CMTM8: variants seen among roughly 807,000 people sequenced by gnomAD.
CMTM8 encodes the protein CKLF-like MARVEL transmembrane domain-containing protein 8.
A neutral mutation model predicts 18.6 loss-of-function variants in CMTM8; 12 were observed. The observed-to-expected ratio is 0.65, with a 90% CI of 0.41 to 1.05. The LOEUF (loss-of-function observed/expected upper bound fraction) is 1.05. Among genes scored for constraint, CMTM8 ranks in the 50% least tolerant of loss-of-function variants. The pLI, the probability that CMTM8 is intolerant of heterozygous loss-of-function variation, is 0.00. For missense variants in CMTM8, 217 were observed against 227.2 expected (o/e 0.95, Z 0.29); for synonymous variants, 87 against 90.6 (o/e 0.96, Z 0.23).
At chr3:32,356,484 C>A (rs976290065) in intron 1 of CMTM8, among the ~76,000 whole-genome samples, 2 of 152,222 alleles carry the variant, frequency 1.3e-5, no homozygotes, top group Non-Finnish European at 2.9e-5. Flanking sequence ...TTCCTTTAGT[C>A]AATGAGTAGT....
intron 1 of CMTM8, among the ~76,000 whole-genome samples, chr3:32,333,311 G>C (rs190755503): frequency 2.2e-4 from 33 of 152,272 alleles, no homozygotes; most frequent in African/African-American, 7.7e-4. Context: ...GGCCAGATTT[G>C]GCTACTGGGT....
At chr3:32,355,565 CT>C (rs1202743124) in intron 1 of CMTM8, among the ~76,000 whole-genome samples, 1 of 152,184 alleles carries the variant, frequency 6.6e-6, no homozygotes, top group Non-Finnish European at 1.5e-5. Context: ...CTAAATTTGT[CT>C]CCACACCACT....
At chr3:32,268,898 GT>G (rs1312899324) in intron 1 of CMTM8, among the ~76,000 whole-genome samples, 1 of 152,096 alleles carries the variant, frequency 6.6e-6, no homozygotes, top group African/African-American at 2.4e-5. Flanking sequence ...ATTATAACAG[GT>G]GCCGCTTTCT....
intron 1 of CMTM8, among the ~76,000 whole-genome samples, chr3:32,305,292 G>T (rs543073316): frequency 6.7e-6 from 1 of 149,542 alleles, no homozygotes; most frequent in South Asian, 2.1e-4. Context: ...GTGCAGTGGC[G>T]TGATCTCTGC....
intron 1 of CMTM8, among the ~76,000 whole-genome samples, chr3:32,285,013 C>G (rs927494531): frequency 6.6e-6 from 1 of 152,124 alleles, no homozygotes; most frequent in Non-Finnish European, 1.5e-5. Context: ...CGAAGGTGAT[C>G]AAGGTACACA....
intron 1 of CMTM8, among the ~76,000 whole-genome samples, chr3:32,288,310 G>C (rs968049293): frequency 6.6e-6 from 1 of 152,012 alleles, no homozygotes; most frequent in Admixed American, 6.6e-5. Context: ...TAGAGACAGG[G>C]ACTTACTCTG....
At chr3:32,274,173 G>A (rs989675563) in intron 1 of CMTM8, among the ~76,000 whole-genome samples, 7 of 151,980 alleles carry the variant, frequency 4.6e-5, no homozygotes, top group African/African-American at 1.7e-4. Flanking sequence ...AGCCAGGCAT[G>A]GTGGTGCATG....
At chr3:32,278,400 A>C (rs1303895775) in intron 1 of CMTM8, among the ~76,000 whole-genome samples, 1 of 152,200 alleles carries the variant, frequency 6.6e-6, no homozygotes, top group Non-Finnish European at 1.5e-5. Context: ...ATTTGCTGCT[A>C]TTCTCAGCTC....
intron 1 of CMTM8, among the ~76,000 whole-genome samples, chr3:32,314,302 T>G (rs1346431968): frequency 6.6e-6 from 1 of 152,008 alleles, no homozygotes; most frequent in Non-Finnish European, 1.5e-5. Flanking sequence ...AGGGGCTGGT[T>G]GGGGTACCAG....
intron 2 of CMTM8, among the ~76,000 whole-genome samples, chr3:32,363,431 T>A (rs1696972855): frequency 1.3e-5 from 2 of 152,224 alleles, no homozygotes; most frequent in Admixed American, 1.3e-4. Context: ...ATATGTTACA[T>A]CTGCTCACAT....
chr3:32,295,183 C>T (rs970685860), intron 1 of CMTM8, among the ~76,000 whole-genome samples: 11 of 151,972 alleles, frequency 7.2e-5, no homozygotes, highest in African/African-American at 1.9e-4. Flanking sequence ...AGGCTGGGCA[C>T]GGTAGCTCAT....
intron 2 of CMTM8, among the ~76,000 whole-genome samples, chr3:32,362,931 T>C (rs1696964682): frequency 6.6e-6 from 1 of 152,170 alleles, no homozygotes; most frequent in African/African-American, 2.4e-5. Flanking sequence ...AACCAGTCAA[T>C]CCAAATGCCT....
intron 3 of CMTM8, among the ~76,000 whole-genome samples, chr3:32,369,386 G>T (rs1427499669): frequency 1.3e-5 from 2 of 152,136 alleles, no homozygotes. Context: ...TCAAGACTGG[G>T]CTCAAGTTAA....
chr3:32,352,219 GAAAAA>G (rs58232920), intron 1 of CMTM8, among the ~76,000 whole-genome samples: 1 of 139,414 alleles, frequency 7.2e-6, no homozygotes, highest in African/African-American at 2.7e-5. Flanking sequence ...AAAAAAAAAA[GAAAAA>G]AAACTATCAA....
At position 32,367,925 on chromosome 3, in the gene CMTM8, A is replaced by T. The variant is rs1411634896; in HGVS notation, c.375A>T (p.Val125=). The T allele has an allele frequency of 6.2e-7, 1 of 1,614,136 alleles. No individual in the cohort carries two copies. Among genetic ancestry groups the T allele is most frequent in the Non-Finnish European group, 8.5e-7 (1 of 1,180,008 alleles). Residue 125 remains valine, a synonymous_variant, in exon 3 of 4, where the codon GTA becomes GTT. Coordinates refer to ENST00000307526, the MANE Select transcript of CMTM8 (RefSeq NM_178868.5). ...AFVLYLSAAV[V]DASSVSPERD... is the part of the protein sequence containing the mutation. ...TCTTGTACCTCTCTGCCGCTGTTGT[A>T]GATGCATCTTCCGTCTCCCCTGAGA...
At chr3:32,257,587 G>A (rs982889369) in intron 1 of CMTM8, among the ~76,000 whole-genome samples, 11 of 151,944 alleles carry the variant, frequency 7.2e-5, no homozygotes, top group African/African-American at 2.7e-4. Flanking sequence ...GCTTTATTAT[G>A]GTTTTAATAG....
chr3:32,366,929 A>T (rs939657964), intron 2 of CMTM8, among the ~76,000 whole-genome samples: 2 of 152,206 alleles, frequency 1.3e-5, no homozygotes, highest in Non-Finnish European at 2.9e-5. Flanking sequence ...GCACAGGTGG[A>T]GGTGGCGACA....
rs141811088 is a variant in CMTM8 at position 32,282,937 on chromosome 3, A to G, written c.147+43818A>G. Among the ~76,000 whole-genome samples the G allele has an allele frequency of 1.7e-3, 266 of 152,304 alleles. 1 individual carries two copies. The highest frequency in any genetic ancestry group is 2.7e-3 in the Non-Finnish European group (182 of 68,032). On this transcript the variant is annotated intron_variant, in intron 1 of 3. Coordinates refer to ENST00000307526, the MANE Select transcript of CMTM8 (RefSeq NM_178868.5). The stretch of plus-strand genomic sequence containing the variant: ...CCTCCTTTCCCTGAACATTCTGTGT[A>G]ATAAGTTAACCCTTATCTCCTTAGC...
rs1334367817 is a variant in CMTM8 at position 32,295,483 on chromosome 3, A to G, written c.147+56364A>G. Among the ~76,000 whole-genome samples the G allele has an allele frequency of 3.4e-5, 4 of 117,052 alleles. No individual in the cohort carries two copies. In the South Asian group the frequency reaches 7.5e-4, roughly 22 times the overall value. The allele number at this position is 117,052 out of a possible 152,430, so 76.8% of individuals were successfully genotyped here. A position where few individuals can be genotyped will look rare whatever the true frequency, so the allele number is the denominator to read the frequency against. ...AAAAAAAAAAAAAAAAAAAAACAAAACAAAACAGCGGAAAGAGAAAATCCC... is the reference window on the plus strand; with the variant it reads ...AAAAAAAAAAAAAAAAAAAAACAAAGCAAAACAGCGGAAAGAGAAAATCCC... On this transcript the variant is annotated intron_variant, in intron 1 of 3. Coordinates refer to ENST00000307526, the MANE Select transcript of CMTM8 (RefSeq NM_178868.5).
Sources: allele counts gnomAD v4.1 joint callset (sites outside exome capture counted in the v4.1 genomes callset), GRCh38; gene constraint gnomAD v4.1.1; transcripts MANE v1.5; gene names NCBI Gene and HGNC (gene_info 2026-07-23, HGNC 2026-07-21).